The following GLI2 variants were observed in gnomAD, a reference collection of about 807,000 sequenced individuals.
The protein encoded by GLI2 is GLI family zinc finger 2, also known as transcription activator GLI2.
Under a neutral mutation model 78.9 loss-of-function variants are expected in GLI2, and 22 were observed. That is an observed-to-expected ratio of 0.28 (90% CI 0.20 to 0.40). The LOEUF (loss-of-function observed/expected upper bound fraction) is 0.40, where lower values mean the gene tolerates loss of function less well. Among genes scored for constraint, GLI2 ranks in the 10% least tolerant of loss-of-function variants. The pLI is 1.00. For missense variants in GLI2, 2,097 were observed against 2,213.2 expected (o/e 0.95, Z 1.05); for synonymous variants, 974 against 963.7 (o/e 1.01, Z -0.20).
At position 120,990,740 on chromosome 2, in the gene GLI2, C is replaced by T. The variant is rs1683264291; in HGVS notation, c.*65C>T. ...ATCGCTGCCCAGAGCCTGGGGATTC[C>T]AGCTGTCTTGTCTTTTTCCAAAAAA... On this transcript the variant is annotated 3_prime_UTR_variant, in exon 14 of 14. Transcript: ENST00000361492. 7.2e-7 allele frequency: 1 copy of T among 1,387,232 alleles called. No individual in the cohort carries two copies. 85.9% of individuals were successfully genotyped at this position (1,387,232 alleles called of 1,614,324 possible).
At chr2:120,938,591 G>A (rs951469791) in intron 3 of GLI2, among the ~76,000 whole-genome samples, 2 of 152,228 alleles carry the variant, frequency 1.3e-5, no homozygotes, top group African/African-American at 4.8e-5. Context: ...CTTTATTACA[G>A]CTCTGCATAG....
At chr2:120,904,763 G>C (rs915247132) in intron 2 of GLI2, among the ~76,000 whole-genome samples, 5 of 152,194 alleles carry the variant, frequency 3.3e-5, no homozygotes, top group Admixed American at 3.3e-4. Flanking sequence ...TGATTCCCTG[G>C]TGTTTCTCCT....
rs562244121 is a variant in GLI2 at position 120,800,257 on chromosome 2, C to T, written c.148+2789C>T. Among the ~76,000 whole-genome samples, 80 of 152,084 alleles carry T rather than the reference C, an allele frequency of 5.3e-4. No individual in the cohort carries two copies. Among genetic ancestry groups the T allele is most frequent in the Non-Finnish European group, 8.7e-4 (59 of 67,974 alleles). The stretch of plus-strand genomic sequence containing the variant: ...ATTTTTGTTGAGGGGCCCCTCTTCT[C>T]GAGTTGTTTCTGGCAAAGACGAATC... On this transcript the variant is annotated intron_variant, in intron 2 of 13. Transcript: ENST00000361492. The surrounding 1 kb of genome is among the most constrained non-coding windows in gnomAD (Gnocchi z 4.1).
At chr2:120,844,134 T>C (rs1439241615) in intron 2 of GLI2, among the ~76,000 whole-genome samples, 1 of 152,144 alleles carries the variant, frequency 6.6e-6, no homozygotes. Flanking sequence ...AGTTCGAAAT[T>C]AGCAGTCAGC....
chr2:120,839,792 A>T (rs2104575460), intron 2 of GLI2, among the ~76,000 whole-genome samples: 1 of 152,228 alleles, frequency 6.6e-6, no homozygotes, highest in Non-Finnish European at 1.5e-5. Flanking sequence ...TGAACTCTGG[A>T]CCTCAAGTAA....
At chr2:120,971,587 G>T (rs1682173459) in intron 7 of GLI2, among the ~76,000 whole-genome samples, 1 of 152,250 alleles carries the variant, frequency 6.6e-6, no homozygotes, top group Non-Finnish European at 1.5e-5. Flanking sequence ...GCCAGGCCCT[G>T]TTCTCAGACC....
intron 13 of GLI2, 74 bp from the exon 14 acceptor site, chr2:120,988,134 G>A (rs1683067281): frequency 1.5e-6 from 2 of 1,352,486 alleles, no homozygotes; most frequent in South Asian, 2.7e-5. Flanking sequence ...CAGGCCCAGT[G>A]CGATGACTGA....
intron 2 of GLI2, among the ~76,000 whole-genome samples, chr2:120,834,367 C>T (rs1353920265): frequency 6.6e-6 from 1 of 152,184 alleles, no homozygotes; most frequent in African/African-American, 2.4e-5. Context: ...TTGAATGATT[C>T]TAGCAGTCTC....
intron 3 of GLI2, among the ~76,000 whole-genome samples, chr2:120,939,600 G>A (rs553217030): frequency 2.6e-5 from 4 of 152,260 alleles, no homozygotes; most frequent in South Asian, 2.1e-4. Flanking sequence ...CATACTCCAC[G>A]TTCTTCCGAA....
At chr2:120,843,674 G>A (rs1039004637) in intron 2 of GLI2, among the ~76,000 whole-genome samples, 9 of 151,956 alleles carry the variant, frequency 5.9e-5, no homozygotes. Flanking sequence ...TATTTTTGTT[G>A]TTGTTGTTTT....
At chr2:120,821,997 C>T (rs1426246064) in intron 2 of GLI2, among the ~76,000 whole-genome samples, 1 of 152,222 alleles carries the variant, frequency 6.6e-6, no homozygotes, top group Non-Finnish European at 1.5e-5. Context: ...TGTCAACTGG[C>T]CTTTGCTGTG....
intron 2 of GLI2, among the ~76,000 whole-genome samples, chr2:120,847,367 A>G (rs1687169361): frequency 1.3e-5 from 2 of 152,120 alleles, no homozygotes; most frequent in Admixed American, 6.5e-5. Flanking sequence ...ATAATTTTTA[A>G]TGTGTCTTAT....
At chr2:120,824,345 G>C (rs943572822) in intron 2 of GLI2, among the ~76,000 whole-genome samples, 4 of 152,246 alleles carry the variant, frequency 2.6e-5, no homozygotes, top group South Asian at 2.1e-4. Context: ...TGGCCAGGGG[G>C]ACTGTGTGGA....
intron 2 of GLI2, among the ~76,000 whole-genome samples, chr2:120,845,002 G>A (rs1341006408): frequency 6.6e-6 from 1 of 152,310 alleles, no homozygotes; most frequent in East Asian, 1.9e-4. Flanking sequence ...GCTGGGCACG[G>A]TGGCTCATAT....
intron 1 of GLI2, among the ~76,000 whole-genome samples, chr2:120,748,817 T>A (rs1682772606): frequency 6.6e-6 from 1 of 152,124 alleles, no homozygotes; most frequent in African/African-American, 2.4e-5. Context: ...CAGTCAAGAT[T>A]ATAGGTTGAG....
intron 2 of GLI2, among the ~76,000 whole-genome samples, chr2:120,818,192 C>T (rs755850109): frequency 7.2e-5 from 11 of 152,196 alleles, no homozygotes; most frequent in Non-Finnish European, 1.6e-4. Flanking sequence ...CCGCTTTCAT[C>T]CCCGAGGGGT....
intron 2 of GLI2, among the ~76,000 whole-genome samples, chr2:120,920,339 A>T (rs1679307875): frequency 6.6e-6 from 1 of 152,204 alleles, no homozygotes; most frequent in African/African-American, 2.4e-5. Flanking sequence ...CCGGCTGCTG[A>T]TGGAGGCCGC....
At chr2:120,837,119 G>T (rs1686648119) in intron 2 of GLI2, among the ~76,000 whole-genome samples, 1 of 152,132 alleles carries the variant, frequency 6.6e-6, no homozygotes, top group Non-Finnish European at 1.5e-5. Context: ...CTTAGGCCGG[G>T]CGCGGTGGCT....
chr2:120,836,904 T>C (rs1279765726), intron 2 of GLI2, among the ~76,000 whole-genome samples: 2 of 152,172 alleles, frequency 1.3e-5, no homozygotes, highest in Admixed American at 1.3e-4. Context: ...TTTCATGAAA[T>C]GGTTGACAAT....
Sources: gnomAD v4.1 joint callset for allele counts (sites outside exome capture counted in the v4.1 genomes callset) on GRCh38, gnomAD v4.1.1 for gene constraint, Gnocchi (gnomAD v3.1) non-coding constraint, MANE v1.5 for transcripts, NCBI Gene and HGNC (gene_info 2026-07-23, HGNC 2026-07-21) for gene names.